Variants in RIF1 observed in about 807,000 individuals in gnomAD.
RIF1 encodes the protein replication timing regulatory factor 1.
In RIF1, 45 loss-of-function variants were observed where a neutral mutation model predicts 247.1. The observed-to-expected ratio is 0.18, with a 90% CI of 0.14 to 0.23. The LOEUF is 0.23. Ranked by LOEUF, RIF1 falls within the 10% of genes least tolerant of loss-of-function variation. The pLI, the probability that RIF1 is intolerant of heterozygous loss-of-function variation, is 1.00. For missense variants in RIF1, 2,967 were observed against 2,862.5 expected, an observed-to-expected ratio of 1.04 and a Z score of -0.83; for synonymous variants, 1,087 against 978.8, an observed-to-expected ratio of 1.11 and a Z score of -2.06.
intron 3 of RIF1, among the ~76,000 whole-genome samples, chr2:151,412,980 A>T (rs1686532609): frequency 6.6e-6 from 1 of 152,024 alleles, no homozygotes; most frequent in Non-Finnish European, 1.5e-5. Flanking sequence ...TCCATATTAT[A>T]ATAATTAGAT....
intron 8 of RIF1, among the ~76,000 whole-genome samples, chr2:151,424,825 ATTTTTTTTTTTTTTTTT>A (rs71000475): frequency 2.1e-5 from 1 of 47,272 alleles, no homozygotes; most frequent in Non-Finnish European, 3.8e-5. Context: ...AGCCCGGCTG[ATTTTTTTTTTTTTTTTT>A]TTTTTTTTTT....
At chr2:151,510,523 T>A (rs1409515870), downstream of RIF1, among the ~76,000 whole-genome samples, 1 of 152,218 alleles carries the variant, frequency 6.6e-6, no homozygotes, top group Non-Finnish European at 1.5e-5. Flanking sequence ...TTTCCACGGT[T>A]TCAGTTAACT....
intron 9 of RIF1, chr2:151,493,938 G>T: frequency 8.8e-7 from 1 of 1,138,984 alleles, no homozygotes; most frequent in Non-Finnish European, 1.2e-6. Context: ...TTGCAAGTTG[G>T]GGGGAAATGT....
At chr2:151,439,694 C>T (rs1691903870) in intron 14 of RIF1, among the ~76,000 whole-genome samples, 1 of 149,020 alleles carries the variant, frequency 6.7e-6, no homozygotes, top group Non-Finnish European at 1.5e-5. Context: ...AGTAAATACA[C>T]CATTCTCAGC....
intron 8 of RIF1, among the ~76,000 whole-genome samples, chr2:151,425,847 T>C (rs1184611543): frequency 6.6e-6 from 1 of 151,580 alleles, no homozygotes; most frequent in Admixed American, 6.6e-5. Context: ...TTTTTTTCTT[T>C]TCTGTATTTT....
At chr2:151,450,176 A>G (rs1298768656) in intron 20 of RIF1, among the ~76,000 whole-genome samples, 1 of 151,616 alleles carries the variant, frequency 6.6e-6, no homozygotes, top group Non-Finnish European at 1.5e-5. Context: ...TAATAGCACC[A>G]GGGAACTTGG....
chr2:151,514,761 T>C, the RIF1 span: 25 of 1,194,332 alleles, frequency 2.1e-5, no homozygotes, highest in Non-Finnish European at 3.0e-5. Flanking sequence ...CATTAATGAG[T>C]GTCACTAGTG....
At chr2:151,503,386 A>T (rs140967744) in intron 12 of RIF1, 8 of 1,612,786 alleles carry the variant, frequency 5.0e-6, no homozygotes, top group Non-Finnish European at 6.8e-6. Context: ...GACTCTCTCA[A>T]TCTCTGGAGT....
the RIF1 span, chr2:151,514,270 G>C: frequency 2.4e-5 from 32 of 1,325,882 alleles, no homozygotes; most frequent in Non-Finnish European, 3.5e-5. Context: ...GGCTAACAAA[G>C]AAATGATGCT....
At chr2:151,495,837 A>T (rs1452754406) in intron 10 of RIF1, among the ~76,000 whole-genome samples, 1 of 152,208 alleles carries the variant, frequency 6.6e-6, no homozygotes. Context: ...ATTTTTCCCA[A>T]GGTCTCTTTG....
rs1696593272 is a variant in RIF1 at position 151,464,256 on chromosome 2, G to A, written c.4736G>A (p.Ser1579Asn). The change falls in exon 30 of 36, where the codon AGT becomes AAT. Residue 1579 changes from serine (S) to asparagine (N), a missense_variant. Around this residue, in one of 7 missense-constraint regions of RIF1, gnomAD observed 2,028 missense variants for 1,825.6 expected, o/e 1.11. Coordinates refer to ENST00000444746, the MANE Select transcript of RIF1 (RefSeq NM_018151.5). ...AAATGGAAAAACAAAAGCAATGAAA[G>A]TGTTGACATTCAAGATCAAGAAGAG... is the stretch of plus-strand genomic sequence containing the variant. The part of the protein sequence containing the change: ...SGKWKNKSNE[S>N]VDIQDQEEKV... The A allele has an allele frequency of 5.6e-6, 9 of 1,613,828 alleles. No individual in the cohort carries two copies. The highest frequency in any genetic ancestry group is 1.1e-5 in the South Asian group (1 of 91,072).
At chr2:151,410,290 C>G (rs1685914349) in intron 1 of RIF1, 124 bp from the exon 2 acceptor site, 26 of 726,550 alleles carry the variant, frequency 3.6e-5, no homozygotes, top group South Asian at 3.5e-4. Context: ...GCCTGGGGTG[C>G]AGACGCGGCG....
At chr2:151,468,169 T>A (rs778861867) in intron 31 of RIF1, 23 bp downstream of exon 31, 1 of 1,571,538 alleles carries the variant, frequency 6.4e-7, no homozygotes, top group Non-Finnish European at 8.7e-7. Flanking sequence ...CTTTAAAATA[T>A]ACATATATGT....
the RIF1 span, chr2:151,526,897 T>G: frequency 6.6e-6 from 10 of 1,508,980 alleles, no homozygotes; most frequent in African/African-American, 5.5e-5. Context: ...TTAGGCATCA[T>G]GGAAGGAACT....
chr2:151,457,388 G>T (rs1695385010), intron 23 of RIF1, among the ~76,000 whole-genome samples: 1 of 152,190 alleles, frequency 6.6e-6, no homozygotes, highest in Admixed American at 6.5e-5. Flanking sequence ...TTCCCAAAGT[G>T]CTGGGATTAC....
intron 21 of RIF1, among the ~76,000 whole-genome samples, chr2:151,454,374 A>G (rs761133416): frequency 6.6e-6 from 1 of 152,172 alleles, no homozygotes; most frequent in Non-Finnish European, 1.5e-5. Flanking sequence ...ATATCTAGGA[A>G]ATAGTAGACT....
At chr2:151,515,165 A>C in the RIF1 span, among the ~76,000 whole-genome samples, 1 of 152,156 alleles carries the variant, frequency 6.6e-6, no homozygotes, top group African/African-American at 2.4e-5. Flanking sequence ...TCATCAGTCT[A>C]ATGTTGTGAC....
At chr2:151,493,697 GTAAGA>G in intron 9 of RIF1, 1 of 1,176,690 alleles carries the variant, frequency 8.5e-7, no homozygotes, top group Non-Finnish European at 1.2e-6. Flanking sequence ...TGGAAAAACT[GTAAGA>G]TAAATTAGTG....
chr2:151,438,512 C>T (rs1036084178), intron 13 of RIF1, among the ~76,000 whole-genome samples, 172 bp from the exon 14 acceptor site: 2 of 152,024 alleles, frequency 1.3e-5, no homozygotes, highest in Admixed American at 6.6e-5. Context: ...CAAACAAAAA[C>T]GAAGTGATAG....
Sources: allele counts gnomAD v4.1 joint callset (sites outside exome capture counted in the v4.1 genomes callset), GRCh38; gene constraint gnomAD v4.1.1; regional missense constraint gnomAD v4.1.1; transcripts MANE v1.5; gene names NCBI Gene and HGNC (gene_info 2026-07-23, HGNC 2026-07-21).